Variants in DPYD observed in about 807,000 individuals in gnomAD.
DPYD encodes the protein dihydropyrimidine dehydrogenase, also known as dihydropyrimidine dehydrogenase [NADP(+)].
In DPYD, 109 loss-of-function variants were observed where a neutral mutation model predicts 116.2. The ratio of observed to expected loss-of-function variants is 0.94; its 90% CI spans 0.80 to 1.10. DPYD has a LOEUF of 1.10. DPYD is among the 50% of genes least tolerant of loss of function. The probability of loss-of-function intolerance (pLI) is 0.00; values close to 1 mark genes in which losing one functional copy is unlikely to be tolerated. For missense variants in DPYD, 1,302 were observed against 1,254.5 expected (o/e 1.04, Z -0.57); for synonymous variants, 440 against 432.0 (o/e 1.02, Z -0.23).
intron 20 of DPYD, among the ~76,000 whole-genome samples, chr1:97,187,630 A>G (rs1274507410): frequency 2.0e-5 from 3 of 151,948 alleles, no homozygotes; most frequent in African/African-American, 7.2e-5. Flanking sequence ...GGTCTTTGTC[A>G]TAATTATTTT....
At position 97,719,816 on chromosome 1, in the gene DPYD, AC is replaced by A. The variant is rs1662820033; in HGVS notation, c.483+1693del. 5.1e-6 allele frequency: 5 copies of A among 984,190 alleles called. No individual in the cohort carries two copies. The African/African-American group carries it at 5.2e-5, about 10-fold the overall frequency. The allele number at this position is 984,190 out of a possible 1,614,324, so 61.0% of individuals were successfully genotyped here. A position where few individuals can be genotyped will look rare whatever the true frequency, so the allele number is the denominator to read the frequency against. The stretch of plus-strand genomic sequence containing the variant: ...AATTTGATATTGAAATTACAATTAT[AC>A]AAACTATAATTGGAATGAAATAAGC... On this transcript the variant is annotated intron_variant, in intron 5 of 22. Coordinates refer to ENST00000370192, the MANE Select transcript of DPYD (RefSeq NM_000110.4).
intron 20 of DPYD, among the ~76,000 whole-genome samples, chr1:97,126,660 T>C (rs1264147914): frequency 6.6e-6 from 1 of 152,174 alleles, no homozygotes; most frequent in Non-Finnish European, 1.5e-5. Context: ...CTATACTGAG[T>C]ACCTGACTTT....
At chr1:97,874,680 T>C (rs1168184675) in intron 2 of DPYD, among the ~76,000 whole-genome samples, 3 of 151,918 alleles carry the variant, frequency 2.0e-5, no homozygotes, top group East Asian at 2.0e-4. Context: ...ATTGTTCATA[T>C]ACCTATGTTT....
At chr1:97,431,762 T>C (rs1675191878) in intron 14 of DPYD, among the ~76,000 whole-genome samples, 1 of 152,150 alleles carries the variant, frequency 6.6e-6, no homozygotes, top group Admixed American at 6.6e-5. Flanking sequence ...TATTGTTAAC[T>C]ATATTAGCCC....
intron 16 of DPYD, among the ~76,000 whole-genome samples, chr1:97,361,152 C>G (rs926843123): frequency 6.6e-6 from 1 of 151,916 alleles, no homozygotes; most frequent in Non-Finnish European, 1.5e-5. Flanking sequence ...AAATACAAAC[C>G]ACCATCAGAG....
chr1:97,206,638 T>TTATATATATGTGTA (rs1553233563), intron 19 of DPYD, among the ~76,000 whole-genome samples: 9 of 48,998 alleles, frequency 1.8e-4, no homozygotes, highest in African/African-American at 3.9e-4. Flanking sequence ...CAGGGAGATT[T>TTATATATATGTGTA]TATATATATA....
chr1:97,415,211 CA>C (rs1289778244), intron 14 of DPYD, among the ~76,000 whole-genome samples: 1 of 152,192 alleles, frequency 6.6e-6, no homozygotes, highest in African/African-American at 2.4e-5. Context: ...TTACTATCAA[CA>C]CACATAGTTT....
intron 19 of DPYD, among the ~76,000 whole-genome samples, chr1:97,211,467 C>A (rs146780819): frequency 2.1e-4 from 32 of 152,240 alleles, no homozygotes; most frequent in African/African-American, 6.7e-4. Flanking sequence ...TAACTATTTG[C>A]TGAATGAATA....
At chr1:97,730,734 T>G (rs937479475) in intron 4 of DPYD, among the ~76,000 whole-genome samples, 1 of 152,026 alleles carries the variant, frequency 6.6e-6, no homozygotes, top group Non-Finnish European at 1.5e-5. Context: ...AGTTATTAAA[T>G]TTGAAGAGAG....
At chr1:97,305,004 G>A (rs149682275) in intron 18 of DPYD, among the ~76,000 whole-genome samples, 554 of 151,970 alleles carry the variant, frequency 3.6e-3, no homozygotes, top group Non-Finnish European at 6.8e-3. Flanking sequence ...ACTGAGAGAC[G>A]ATGAGAAATT....
chr1:97,462,836 T>C (rs1557728994), intron 13 of DPYD, among the ~76,000 whole-genome samples: 1 of 152,196 alleles, frequency 6.6e-6, no homozygotes, highest in Non-Finnish European at 1.5e-5. Context: ...GAGAATTAAC[T>C]AAGAGTCTGG....
chr1:97,899,507 C>A (rs900193374), intron 1 of DPYD, among the ~76,000 whole-genome samples: 1 of 151,742 alleles, frequency 6.6e-6, no homozygotes, highest in East Asian at 1.9e-4. Context: ...ACTTCTATAT[C>A]CTGAGGGTAT....
At chr1:97,280,904 G>C (rs1000805056) in intron 18 of DPYD, among the ~76,000 whole-genome samples, 1 of 152,008 alleles carries the variant, frequency 6.6e-6, no homozygotes, top group African/African-American at 2.4e-5. Flanking sequence ...TCTCCACAAA[G>C]AAATGATAAA....
In DPYD at chr1:97,162,761, T is replaced by C. The variant is rs920027377; in HGVS notation, c.2622+30308A>G. Among the ~76,000 whole-genome samples the C allele has an allele frequency of 1.6e-3, 246 of 152,280 alleles. 1 individual carries two copies. Among genetic ancestry groups the C allele is most frequent in the African/African-American group, 5.8e-3 (242 of 41,558 alleles). Reference sequence around the variant, plus strand: ...CAAGGCTACAGTAACCAAAACAGCATGGTACTGGTACCAAAACAGAGATAT... The same window carrying C: ...CAAGGCTACAGTAACCAAAACAGCACGGTACTGGTACCAAAACAGAGATAT... On this transcript the variant is annotated intron_variant, in intron 20 of 22. Coordinates refer to ENST00000370192, the MANE Select transcript of DPYD (RefSeq NM_000110.4).
At chr1:97,135,143 C>T (rs532595006) in intron 20 of DPYD, among the ~76,000 whole-genome samples, 3 of 152,202 alleles carry the variant, frequency 2.0e-5, no homozygotes, top group East Asian at 1.9e-4. Flanking sequence ...TAGGTTCACT[C>T]GAGCATACTT....
chr1:97,880,357 C>T (rs1003542811), intron 2 of DPYD, among the ~76,000 whole-genome samples: 7 of 151,742 alleles, frequency 4.6e-5, no homozygotes, highest in African/African-American at 1.7e-4. Context: ...CAGCATCCTA[C>T]TTGGGTCTTT....
chr1:97,453,798 T>C (rs75122842), intron 13 of DPYD, among the ~76,000 whole-genome samples: 2,138 of 152,206 alleles, frequency 0.014, 28 homozygotes, highest in Middle Eastern at 0.024. Flanking sequence ...ACTGTAAATA[T>C]AGCATAGGAA....
intron 20 of DPYD, among the ~76,000 whole-genome samples, chr1:97,107,191 G>A (rs141590194): frequency 6.6e-6 from 1 of 152,104 alleles, no homozygotes; most frequent in African/African-American, 2.4e-5. Flanking sequence ...CCACCTCTTT[G>A]TTGGTCATCT....
intron 3 of DPYD, 33 bp downstream of exon 3, chr1:97,828,081 T>C (rs1369609147): frequency 6.3e-7 from 1 of 1,593,552 alleles, no homozygotes. Flanking sequence ...CTTTACCACA[T>C]CTGTGACTGT....
Sources: gnomAD v4.1 joint callset for allele counts (sites outside exome capture counted in the v4.1 genomes callset) on GRCh38, gnomAD v4.1.1 for gene constraint, MANE v1.5 for transcripts, NCBI Gene and HGNC (gene_info 2026-07-23, HGNC 2026-07-21) for gene names.